The following DCDC2C variants were observed in gnomAD, a reference collection of about 807,000 sequenced individuals.
DCDC2C encodes the protein doublecortin domain-containing protein 2C.
In DCDC2C, 44 loss-of-function variants were observed where a neutral mutation model predicts 45.0. The observed-to-expected ratio is 0.98, with a 90% CI of 0.77 to 1.26. DCDC2C has a LOEUF of 1.26. Among genes scored for constraint, DCDC2C ranks in the 50% most tolerant of loss-of-function variants. The probability of loss-of-function intolerance (pLI) is 0.00; values close to 1 mark genes in which losing one functional copy is unlikely to be tolerated. For missense variants in DCDC2C, 447 were observed against 468.9 expected, an observed-to-expected ratio of 0.95 and a Z score of 0.43; for synonymous variants, 187 against 178.8, an observed-to-expected ratio of 1.05 and a Z score of -0.37.
intron 9 of DCDC2C, among the ~76,000 whole-genome samples, chr2:3,779,962 T>C (rs1400812573): frequency 6.6e-6 from 1 of 152,136 alleles, no homozygotes; most frequent in East Asian, 1.9e-4. Flanking sequence ...TTCAGGTTTT[T>C]TAGAAAACAC....
At chr2:3,757,179 A>T (rs745323460) in intron 6 of DCDC2C, among the ~76,000 whole-genome samples, 2 of 152,222 alleles carry the variant, frequency 1.3e-5, no homozygotes, top group Non-Finnish European at 2.9e-5. Flanking sequence ...TTAGCCATTT[A>T]TGATAAATGT....
chr2:3,785,308 A>G (rs907509070), intron 10 of DCDC2C, among the ~76,000 whole-genome samples: 1 of 152,184 alleles, frequency 6.6e-6, no homozygotes, highest in African/African-American at 2.4e-5. Flanking sequence ...ACATGGGTGG[A>G]TGGATCCTCA....
intron 9 of DCDC2C, among the ~76,000 whole-genome samples, chr2:3,783,154 G>C (rs1363866371): frequency 6.6e-6 from 1 of 152,144 alleles, no homozygotes; most frequent in Non-Finnish European, 1.5e-5. Flanking sequence ...TAGTATTTAG[G>C]TGTTTCATAC....
chr2:3,772,563 A>C lies in DCDC2C; in HGVS notation c.954+3152A>C, dbSNP rs556501826. ...ACGGCCTCACTGAATGTGGGCAGGG[A>C]GGGTCGGAGGCTCAGCTGGGAAGTC... is the stretch of plus-strand genomic sequence containing the variant. On this transcript the variant is annotated intron_variant, in intron 8 of 10. Coordinates refer to ENST00000399143, the MANE Select transcript of DCDC2C (RefSeq NM_001287444.2). 3.9e-5 allele frequency among the ~76,000 whole-genome samples: 6 copies of C among 152,104 alleles called. No homozygotes were observed. In the South Asian group the frequency reaches 1.2e-3, roughly 32 times the overall value.
intron 10 of DCDC2C, among the ~76,000 whole-genome samples, chr2:3,792,618 A>G (rs1670844159): frequency 6.6e-6 from 1 of 152,206 alleles, no homozygotes; most frequent in Non-Finnish European, 1.5e-5. Context: ...ACCTGGTTGT[A>G]AATATAAATT....
intron 3 of DCDC2C, among the ~76,000 whole-genome samples, chr2:3,739,935 C>G (rs748890798): frequency 2.6e-5 from 4 of 152,154 alleles, no homozygotes; most frequent in Non-Finnish European, 5.9e-5. Context: ...ACAGCCTGCC[C>G]GTCTGTATGT....
At chr2:3,827,852 T>C (rs1156824985) in intron 10 of DCDC2C, among the ~76,000 whole-genome samples, 1 of 152,190 alleles carries the variant, frequency 6.6e-6, no homozygotes, top group African/African-American at 2.4e-5. Flanking sequence ...AAGAACCCAT[T>C]GGGCATAACC....
At chr2:3,759,724 T>C (rs1669825721) in intron 6 of DCDC2C, among the ~76,000 whole-genome samples, 1 of 152,186 alleles carries the variant, frequency 6.6e-6, no homozygotes, top group Admixed American at 6.5e-5. Context: ...ATAATATCCA[T>C]GCATAAAAGT....
intron 6 of DCDC2C, among the ~76,000 whole-genome samples, chr2:3,756,028 G>A (rs898136542): frequency 6.0e-5 from 9 of 151,064 alleles, no homozygotes; most frequent in African/African-American, 1.7e-4. Context: ...GTGTGTGTAT[G>A]GATGCATGTG....
At chr2:3,782,481 C>CT (rs35616710) in intron 9 of DCDC2C, among the ~76,000 whole-genome samples, 2,321 of 143,580 alleles carry the variant, frequency 0.016, 27 homozygotes, top group Non-Finnish European at 0.025. Context: ...TTCTTCAGTT[C>CT]TTTTTTTTTT....
intron 3 of DCDC2C, among the ~76,000 whole-genome samples, chr2:3,730,572 G>A (rs971292836): frequency 2.0e-5 from 3 of 152,100 alleles, no homozygotes; most frequent in African/African-American, 4.8e-5. Context: ...GTGAGCAAAG[G>A]CAGCCCCCGC....
intron 9 of DCDC2C, among the ~76,000 whole-genome samples, chr2:3,784,205 G>A (rs1180246864): frequency 6.6e-6 from 1 of 152,154 alleles, no homozygotes; most frequent in Non-Finnish European, 1.5e-5. Context: ...TCCTCTTGCA[G>A]ATAATTGAAT....
intron 10 of DCDC2C, among the ~76,000 whole-genome samples, chr2:3,803,288 C>G (rs1671155353): frequency 6.6e-6 from 1 of 152,130 alleles, no homozygotes; most frequent in Non-Finnish European, 1.5e-5. Context: ...TTGTATACTG[C>G]TTGTCCATCT....
chr2:3,756,642 C>T (rs899756127), intron 6 of DCDC2C, among the ~76,000 whole-genome samples: 3 of 152,206 alleles, frequency 2.0e-5, no homozygotes, highest in South Asian at 2.1e-4. Context: ...ACTGCTGACC[C>T]GAGTCTTCAT....
At chr2:3,749,969 A>G (rs1572584009) in intron 4 of DCDC2C, among the ~76,000 whole-genome samples, 1 of 152,002 alleles carries the variant, frequency 6.6e-6, no homozygotes, top group South Asian at 2.1e-4. Flanking sequence ...TTTTACAGTT[A>G]CCCAGCTGCT....
Position 3,767,817 on chromosome 2 carries a change from G to A in DCDC2C, c.790G>A (p.Val264Ile), listed in dbSNP as rs1339229575. ...CATACCCCCTAAAACACAGGATTCT[G>A]TTTATTATGCCAAAGAAGAAAAGAA... ...DGIPPKTQDS[V>I]YYAKEEKKKT... The change falls in exon 7 of 11, where the codon GTT becomes ATT. Residue 264 changes from valine (V) to isoleucine (I), a missense_variant. Val to Ile is a conservative substitution (Grantham distance 29). Transcript: ENST00000399143. 1 of 1,546,204 alleles carries A rather than the reference G, an allele frequency of 6.5e-7. No individual in the cohort carries two copies. The highest frequency in any genetic ancestry group is 1.4e-5 in the African/African-American group (1 of 72,740).
chr2:3,823,013 T>C (rs1671731889), intron 10 of DCDC2C, among the ~76,000 whole-genome samples: 1 of 152,222 alleles, frequency 6.6e-6, no homozygotes, highest in Non-Finnish European at 1.5e-5. Context: ...TCCACCATGA[T>C]TGTGAGGCTT....
chr2:3,725,746 A>G (rs55902655), intron 2 of DCDC2C, among the ~76,000 whole-genome samples: 969 of 36,814 alleles, frequency 0.026, 28 homozygotes, highest in African/African-American at 0.075. Flanking sequence ...GATCCCGGAG[A>G]GAGACTGCCA....
chr2:3,825,653 C>A (rs1030595578), intron 10 of DCDC2C, among the ~76,000 whole-genome samples: 1 of 152,068 alleles, frequency 6.6e-6, no homozygotes, highest in Non-Finnish European at 1.5e-5. Context: ...TGGCACTGCC[C>A]TGATTTGAGT....
Sources: gnomAD v4.1 joint callset for allele counts (sites outside exome capture counted in the v4.1 genomes callset) on GRCh38, gnomAD v4.1.1 for gene constraint, MANE v1.5 for transcripts, NCBI Gene and HGNC (gene_info 2026-07-23, HGNC 2026-07-21) for gene names.